The following PRSS54 variants were observed in gnomAD, a reference collection of about 807,000 sequenced individuals.
PRSS54 encodes serine protease 54, also known as inactive serine protease 54.
A neutral mutation model predicts 19.9 loss-of-function variants in PRSS54; 16 were observed. The observed-to-expected ratio is 0.80, with a 90% confidence interval of 0.54 to 1.22. The LOEUF (loss-of-function observed/expected upper bound fraction) is 1.22, where lower values mean the gene tolerates loss of function less well. PRSS54 is among the 50% of genes most tolerant of loss of function. The probability of loss-of-function intolerance (pLI) is 0.00; values close to 1 mark genes in which losing one functional copy is unlikely to be tolerated. For missense variants in PRSS54, 444 were observed against 494.8 expected (o/e 0.90, Z 0.97); for synonymous variants, 177 against 195.8 (o/e 0.90, Z 0.80).
In PRSS54 at chr16:58,284,600, G is replaced by A. The variant is rs1567514299; in HGVS notation, c.644C>T (p.Thr215Ile). 2 of 1,613,940 alleles carry A rather than the reference G, an allele frequency of 1.2e-6. No individual in the cohort carries two copies. The highest frequency in any genetic ancestry group is 4.5e-5 in the East Asian group (2 of 44,870). Residue 215 changes from threonine to isoleucine, a missense_variant, in exon 6 of 7, where the codon ACT becomes ATT. Transcript: ENST00000567164. ...CGSHTKEETKTACLGDPGSPM... is the reference protein window; with the variant it reads ...CGSHTKEETKIACLGDPGSPM... ...CCATGATGTTCTTACCAAGCAGGCA[G>A]TCTTGGTTTCCTCTTTCGTGTGGCT...
At chr16:58,286,373 G>A (rs1242807318) in intron 4 of PRSS54, among the ~76,000 whole-genome samples, 178 bp from the exon 5 acceptor site, 2 of 152,102 alleles carry the variant, frequency 1.3e-5, no homozygotes, top group Non-Finnish European at 2.9e-5. Flanking sequence ...GAACCCCTAG[G>A]CTTGTGCCCT....
At position 58,280,381 on chromosome 16, in the gene PRSS54, C is replaced by T. The variant is rs779864212; in HGVS notation, c.1031G>A (p.Gly344Asp). 9 of 1,614,202 alleles carry T rather than the reference C, an allele frequency of 5.6e-6. No individual in the cohort carries two copies. Among genetic ancestry groups the T allele is most frequent in the Non-Finnish European group, 7.6e-6 (9 of 1,180,046 alleles). ...TTGTACAGACGCCTCAGGAGACCTG[C>T]CTGATTCCTTTACATCCTTCTCCCT... ...DVREKDVKES[G>D]RSPEASVQPL... The change falls in exon 7 of 7, where the codon GGC (glycine) becomes GAC (aspartate). Residue 344 changes from glycine (G) to aspartate (D), a missense_variant. Physicochemically the swap from Gly to Asp is moderately conservative, Grantham distance 94. Coordinates refer to ENST00000567164, the MANE Select transcript of PRSS54 (RefSeq NM_001305173.2).
rs1420969213 is a variant in PRSS54, at chr16:58,280,966, G to A, written c.655-209C>T. On this transcript the variant is annotated intron_variant, in intron 6 of 6. Coordinates refer to ENST00000567164, the MANE Select transcript of PRSS54 (RefSeq NM_001305173.2). ...TTTCCTTTTATTATGCAAATTAGCT[G>A]TGGACTTCTGCTGATTGCCTATAGC... 5.4e-6 allele frequency: 3 copies of A among 556,310 alleles called. No homozygotes were observed. The East Asian group carries it at 8.6e-5, about 16-fold the overall frequency. The allele number at this position is 556,310 out of a possible 1,614,324, so 34.5% of individuals were successfully genotyped here. A position where few individuals can be genotyped will look rare whatever the true frequency, so the allele number is the denominator to read the frequency against.
At chr16:58,284,381 A>T in intron 6 of PRSS54, 1 of 516,678 alleles carries the variant, frequency 1.9e-6, no homozygotes, top group Non-Finnish European at 3.5e-6. Flanking sequence ...TCATCATGTT[A>T]CACTGAAAAT....
At chr16:58,281,079 G>T (rs1964720633) in intron 6 of PRSS54, 1 of 295,064 alleles carries the variant, frequency 3.4e-6, no homozygotes, top group East Asian at 6.6e-5. Context: ...CTGAAATGTT[G>T]GTGTTTGTTT....
chr16:58,286,866 C>T (rs72786164), intron 4 of PRSS54, among the ~76,000 whole-genome samples: 15,687 of 152,060 alleles, frequency 0.1, 894 homozygotes, highest in Admixed American at 0.13. Context: ...AGAAAAAGCT[C>T]GTTGAGCATG....
rs2142642739 is a variant in PRSS54, at chr16:58,286,212, G to A, written c.264-17C>T. On this transcript the variant is annotated splice_polypyrimidine_tract_variant and intron_variant, in intron 4 of 6. Coordinates refer to ENST00000567164, the MANE Select transcript of PRSS54 (RefSeq NM_001305173.2). ...ATGTCCTTCCTGGAGAGAGAGCAAGGGAATCTTGAGAAGCCAAGACAGCAA... is the reference window on the plus strand; with the variant it reads ...ATGTCCTTCCTGGAGAGAGAGCAAGAGAATCTTGAGAAGCCAAGACAGCAA... 1 of 1,612,410 alleles carries A rather than the reference G, an allele frequency of 6.2e-7. No individual in the cohort carries two copies. Among genetic ancestry groups the A allele is most frequent in the Non-Finnish European group, 8.5e-7 (1 of 1,178,688 alleles).
intron 3 of PRSS54, 123 bp from the exon 4 acceptor site, chr16:58,291,259 G>T: frequency 1.1e-6 from 1 of 878,090 alleles, no homozygotes; most frequent in Non-Finnish European, 1.7e-6. Flanking sequence ...CTTTTGCCTA[G>T]TGTGTCTTCT....
Position 58,286,074 on chromosome 16 carries a change from T to A in PRSS54, c.385A>T (p.Asn129Tyr), listed in dbSNP as rs1431089961. The A allele has an allele frequency of 6.2e-7, 1 of 1,614,240 alleles. No individual in the cohort carries two copies. The highest frequency in any genetic ancestry group is 8.5e-7 in the Non-Finnish European group (1 of 1,180,038). ...EDFDNNSMSN[N>Y]IALLKTDTAM... The stretch of plus-strand genomic sequence containing the variant: ...GTGTCTGTCTTCAGGAGGGCTATGT[T>A]GTTGCTCATGGAGTTGTTATCAAAG... Residue 129 changes from asparagine to tyrosine, a missense_variant, in exon 5 of 7, where the codon AAC (asparagine) becomes TAC (tyrosine). By Grantham distance (143) the Asn-to-Tyr change is moderately radical. Transcript: ENST00000567164.
intron 4 of PRSS54, 50 bp downstream of exon 4, chr16:58,290,909 C>A: frequency 1.9e-6 from 3 of 1,598,108 alleles, no homozygotes; most frequent in Non-Finnish European, 2.6e-6. Context: ...AGGGTCGCCC[C>A]CACCCTCACC....
chr16:58,282,963 T>C (rs3826096), intron 6 of PRSS54: 88,416 of 152,090 alleles, frequency 0.58, 26,753 homozygotes, highest in African/African-American at 0.74. Flanking sequence ...CCCATAATCC[T>C]GTAGGGGCTG....
chr16:58,283,203 C>T (rs1964825781), intron 6 of PRSS54: 1 of 152,210 alleles, frequency 6.6e-6, no homozygotes. Context: ...TAGGCAGATT[C>T]TGAACCTGGT....
Position 58,280,418 on chromosome 16 carries a change from T to G in PRSS54, c.994A>C (p.Ser332Arg). The G allele has an allele frequency of 6.2e-7, 1 of 1,613,864 alleles. No homozygotes were observed. Among genetic ancestry groups the G allele is most frequent in the Non-Finnish European group, 8.5e-7 (1 of 1,179,764 alleles). ...ACATCCTTCTCCCTAACATCTAGAC[T>G]ATCTCTAGAGCTGTTTCCTAGTCGT... ...HSRLGNSSRDSLDVREKDVKE... is the reference protein window; with the variant it reads ...HSRLGNSSRDRLDVREKDVKE... Residue 332 changes from serine to arginine, a missense_variant, in exon 7 of 7, where the codon AGT becomes CGT. Ser to Arg is a moderately radical substitution (Grantham distance 110). Coordinates refer to ENST00000567164, the MANE Select transcript of PRSS54 (RefSeq NM_001305173.2).
Position 58,291,009 on chromosome 16 carries a change from G to C in PRSS54, c.213C>G (p.Cys71Trp), listed in dbSNP as rs748663546. Reference protein sequence around the residue: ...DSQYTHLAFGCILSEFWVLSI... With the variant: ...DSQYTHLAFGWILSEFWVLSI... ...TGAGGACCCAGAACTCGCTCAGGAT[G>C]CAGCCGAAAGCCAGGTGTGTGTACT... The change falls in exon 4 of 7, where the codon TGC becomes TGG. Residue 71 changes from cysteine to tryptophan, a missense_variant. Coordinates refer to ENST00000567164, the MANE Select transcript of PRSS54 (RefSeq NM_001305173.2). 6.2e-7 allele frequency: 1 copy of C among 1,614,118 alleles called. No homozygotes were observed. The highest frequency in any genetic ancestry group is 1.3e-5 in the African/African-American group (1 of 74,940).
chr16:58,280,131 C>G lies in PRSS54; in HGVS notation c.*93G>C. 1 of 1,316,960 alleles carries G rather than the reference C, an allele frequency of 7.6e-7. No individual in the cohort carries two copies. Among genetic ancestry groups the G allele is most frequent in the Non-Finnish European group, 1.1e-6 (1 of 948,978 alleles). The allele number at this position is 1,316,960 out of a possible 1,614,324, so 81.6% of individuals were successfully genotyped here. ...GCTTATCCGTGGCAGCCCCAGTGTG[C>G]AACTATCAAAAACAGACATCAAAAC... On this transcript the variant is annotated 3_prime_UTR_variant, in exon 7 of 7. Transcript: ENST00000567164.
chr16:58,288,385 T>G (rs4784031), intron 4 of PRSS54, among the ~76,000 whole-genome samples: 3 of 151,990 alleles, frequency 2.0e-5, no homozygotes, highest in Admixed American at 2.0e-4. Flanking sequence ...GAGATCGCAC[T>G]GCTATACTGC....
chr16:58,280,046 G>C lies in PRSS54; in HGVS notation c.*178C>G. ...TTTAGTTCACAAGCATAGTGAAAGT[G>C]ACCTTCCCACACCTGGGAGAGGGAT... On this transcript the variant is annotated 3_prime_UTR_variant, in exon 7 of 7. Transcript: ENST00000567164. 1.1e-5 allele frequency: 7 copies of C among 664,796 alleles called. No individual in the cohort carries two copies. The highest frequency in any genetic ancestry group is 4.1e-4 in the Middle Eastern group (1 of 2,418). 41.2% of individuals were successfully genotyped at this position (664,796 alleles called of 1,614,324 possible). A position where few individuals can be genotyped will look rare whatever the true frequency, so the allele number is the denominator to read the frequency against.
intron 6 of PRSS54, chr16:58,282,748 C>A (rs970884037): frequency 6.6e-6 from 1 of 152,250 alleles, no homozygotes; most frequent in Non-Finnish European, 1.5e-5. Context: ...CATGGGGGCT[C>A]CCTGGCCAAG....
rs573883334 is a variant in PRSS54 at position 58,293,982 on chromosome 16, G to A, written c.-7+3C>T. The A allele has an allele frequency of 8.9e-6, 6 of 670,396 alleles. No individual in the cohort carries two copies. The Admixed American group carries it at 1.3e-4, about 15-fold the overall frequency. The allele number at this position is 670,396 out of a possible 1,614,324, so 41.5% of individuals were successfully genotyped here. ...CAAAGGTTCCAAGATGTAGGGCACT[G>A]ACCTGTCTTATCCCTAGTGCTTGGT... is the stretch of plus-strand genomic sequence containing the variant. On this transcript the variant is annotated splice_donor_region_variant and intron_variant, in intron 2 of 6. Coordinates refer to ENST00000567164, the MANE Select transcript of PRSS54 (RefSeq NM_001305173.2).
Sources: gnomAD v4.1 joint callset for allele counts (sites outside exome capture counted in the v4.1 genomes callset) on GRCh38, gnomAD v4.1.1 for gene constraint, MANE v1.5 for transcripts, NCBI Gene and HGNC (gene_info 2026-07-23, HGNC 2026-07-21) for gene names.